ANKRD44: variants seen among roughly 807,000 people sequenced by gnomAD.
The protein encoded by ANKRD44 is serine/threonine-protein phosphatase 6 regulatory ankyrin repeat subunit B.
ANKRD44 carries 35 observed loss-of-function variants against 116.0 expected under a neutral mutation model. The observed-to-expected ratio is 0.30, with a 90% CI of 0.23 to 0.40. ANKRD44 has a LOEUF of 0.40. ANKRD44 is among the 10% of genes least tolerant of loss of function. ANKRD44 has a pLI of 1.00. For missense variants in ANKRD44, 1,014 were observed against 1,242.6 expected (o/e 0.82, Z 2.77); for synonymous variants, 435 against 461.8 (o/e 0.94, Z 0.74).
intron 1 of ANKRD44, among the ~76,000 whole-genome samples, chr2:197,292,145 G>A (rs1252667289): frequency 3.3e-5 from 5 of 152,342 alleles, no homozygotes; most frequent in Admixed American, 6.5e-5. Flanking sequence ...ATGTGTGCAT[G>A]TGTCTTTATA....
At chr2:196,977,477 T>C (rs1311847587) in intron 21 of ANKRD44, among the ~76,000 whole-genome samples, 2 of 152,216 alleles carry the variant, frequency 1.3e-5, no homozygotes, top group Non-Finnish European at 2.9e-5. Context: ...ATTCAGAATA[T>C]ATAAATAATG....
chr2:197,263,815 C>T (rs2082672607), intron 1 of ANKRD44, among the ~76,000 whole-genome samples: 1 of 152,074 alleles, frequency 6.6e-6, no homozygotes, highest in Non-Finnish European at 1.5e-5. Context: ...TCTCTCTCCT[C>T]TATAGTAACA....
intron 1 of ANKRD44, among the ~76,000 whole-genome samples, chr2:197,191,689 G>GTGTA (rs1278171333): frequency 6.6e-6 from 1 of 152,188 alleles, no homozygotes; most frequent in Non-Finnish European, 1.5e-5. Flanking sequence ...GGTTCAGGAT[G>GTGTA]TGTAATTAAG....
intron 2 of ANKRD44, among the ~76,000 whole-genome samples, chr2:197,155,019 C>T (rs143550819): frequency 9.9e-5 from 15 of 152,148 alleles, no homozygotes; most frequent in African/African-American, 3.1e-4. Context: ...CGAAGAATCA[C>T]GCACAAGAAT....
chr2:197,265,395 C>G (rs140186193), intron 1 of ANKRD44, among the ~76,000 whole-genome samples: 2 of 151,832 alleles, frequency 1.3e-5, no homozygotes, highest in African/African-American at 4.8e-5. Flanking sequence ...TATAGGGGTG[C>G]GTCACAGCAC....
chr2:197,202,905 G>A (rs1400973647), intron 1 of ANKRD44, among the ~76,000 whole-genome samples: 1 of 151,550 alleles, frequency 6.6e-6, no homozygotes, highest in East Asian at 1.9e-4. Flanking sequence ...CTAAATGGAT[G>A]CAGAAGAAAT....
At chr2:197,013,395 G>A in intron 18 of ANKRD44, 116 bp downstream of exon 18, 1 of 1,190,172 alleles carries the variant, frequency 8.4e-7, no homozygotes, top group Non-Finnish European at 1.2e-6. Context: ...TGCATCTGAT[G>A]TGGAAAGAAA....
At position 197,212,609 on chromosome 2, in the gene ANKRD44, C is replaced by T. The variant is rs1473845242; in HGVS notation, c.28-25503G>A. On this transcript the variant is annotated intron_variant, in intron 1 of 27. Coordinates refer to ENST00000282272, the MANE Select transcript of ANKRD44 (RefSeq NM_001195144.2). The surrounding 1 kb of genome is among the most constrained non-coding windows in gnomAD (Gnocchi z 4.8). ...AAAATAACACATTTGTTCACCCTGC[C>T]TCTTCCACTCTCCTTTTATAGGGAG... is the stretch of plus-strand genomic sequence containing the variant. 1.3e-5 allele frequency among the ~76,000 whole-genome samples: 2 copies of T among 152,332 alleles called. No homozygotes were observed. Among genetic ancestry groups the T allele is most frequent in the African/African-American group, 4.8e-5 (2 of 41,580 alleles).
At chr2:197,244,368 A>G (rs1258521897) in intron 1 of ANKRD44, among the ~76,000 whole-genome samples, 1 of 152,252 alleles carries the variant, frequency 6.6e-6, no homozygotes, top group African/African-American at 2.4e-5. Context: ...TTATTAATTT[A>G]GCAAAGAAGA....
chr2:197,223,949 G>A (rs898659431), intron 1 of ANKRD44, among the ~76,000 whole-genome samples: 5 of 151,448 alleles, frequency 3.3e-5, no homozygotes, highest in South Asian at 2.1e-4. Context: ...ACGATTCCAC[G>A]AAGGTATAAA....
intron 1 of ANKRD44, among the ~76,000 whole-genome samples, chr2:197,216,128 G>A (rs904625482): frequency 2.0e-5 from 3 of 152,186 alleles, no homozygotes; most frequent in African/African-American, 7.2e-5. Context: ...TCTTCTGGAG[G>A]CTTGTGAGGA....
chr2:197,000,323 C>T (rs2305251), intron 23 of ANKRD44, 96 bp downstream of exon 23: 115,479 of 926,914 alleles, frequency 0.12, 7,877 homozygotes, highest in Admixed American at 0.18. Flanking sequence ...ATCCATTATT[C>T]TTTCAATTAA....
intron 1 of ANKRD44, among the ~76,000 whole-genome samples, chr2:197,195,487 C>G (rs1453347056): frequency 6.6e-6 from 1 of 152,158 alleles, no homozygotes; most frequent in South Asian, 2.1e-4. Flanking sequence ...ACAGTCTCCC[C>G]AGGTGCTACT....
At chr2:197,173,084 G>T (rs1160688173) in intron 2 of ANKRD44, among the ~76,000 whole-genome samples, 5 of 152,166 alleles carry the variant, frequency 3.3e-5, no homozygotes, top group Non-Finnish European at 7.4e-5. Context: ...GCATTAAAAA[G>T]ACCTGTTTTG....
chr2:197,077,033 T>C (rs1278022642), intron 16 of ANKRD44, among the ~76,000 whole-genome samples: 1 of 152,222 alleles, frequency 6.6e-6, no homozygotes, highest in Non-Finnish European at 1.5e-5. Flanking sequence ...GTGGTGGGAT[T>C]GCTGGGTTGA....
At chr2:197,134,453 A>T (rs2125380861) in intron 4 of ANKRD44, 1 of 152,340 alleles carries the variant, frequency 6.6e-6, no homozygotes, top group African/African-American at 2.4e-5. Flanking sequence ...AGCCTTTCTC[A>T]GATTGGAAGG....
intron 1 of ANKRD44, among the ~76,000 whole-genome samples, chr2:197,296,100 A>AGAAAT (rs1204170842): frequency 5.9e-5 from 9 of 152,220 alleles, no homozygotes; most frequent in African/African-American, 2.2e-4. Flanking sequence ...GCAGTAATGA[A>AGAAAT]GAAATGTCCT....
chr2:196,971,965 G>GGGAA (rs1214011625), intron 21 of ANKRD44, among the ~76,000 whole-genome samples: 1 of 152,182 alleles, frequency 6.6e-6, no homozygotes, highest in African/African-American at 2.4e-5. Context: ...GTCCTCTTGA[G>GGGAA]GGAAGCCTGC....
intron 16 of ANKRD44, chr2:197,028,808 G>C (rs1451186826): frequency 4.7e-6 from 1 of 214,264 alleles, no homozygotes; most frequent in African/African-American, 2.4e-5. Context: ...TTTCCCACCA[G>C]AGGTTTCCTC....
Sources: allele counts gnomAD v4.1 joint callset (sites outside exome capture counted in the v4.1 genomes callset), GRCh38; gene constraint gnomAD v4.1.1; non-coding constraint Gnocchi (gnomAD v3.1); transcripts MANE v1.5; gene names NCBI Gene and HGNC (gene_info 2026-07-23, HGNC 2026-07-21).